EDIL3: variants seen among roughly 807,000 people sequenced by gnomAD.
EDIL3 encodes the protein EGF like and discoidin domains 3.
Under a neutral mutation model 67.4 loss-of-function variants are expected in EDIL3, and 37 were observed. That is an observed-to-expected ratio of 0.55 (90% CI 0.42 to 0.72). The LOEUF is 0.72. Among genes scored for constraint, EDIL3 ranks in the 30% least tolerant of loss-of-function variants. The probability of loss-of-function intolerance (pLI) is 0.00; values close to 1 mark genes in which losing one functional copy is unlikely to be tolerated. For synonymous variants in EDIL3, 195 were observed against 196.3 expected (o/e 0.99, Z 0.05); for missense variants, 527 against 586.3 (o/e 0.90, Z 1.04).
chr5:84,154,667 C>T (rs1401008736), intron 4 of EDIL3, among the ~76,000 whole-genome samples: 3 of 147,172 alleles, frequency 2.0e-5, no homozygotes, highest in Non-Finnish European at 4.5e-5. Context: ...CTTGAAGAGG[C>T]CTCCTGGAGC....
intron 1 of EDIL3, among the ~76,000 whole-genome samples, chr5:84,287,511 A>G (rs1391135561): frequency 1.3e-5 from 2 of 152,134 alleles, no homozygotes; most frequent in Non-Finnish European, 2.9e-5. Flanking sequence ...TGCTAATACA[A>G]TTTGGAATTC....
chr5:84,251,074 C>CA (rs1428761160), intron 2 of EDIL3, among the ~76,000 whole-genome samples: 1 of 151,954 alleles, frequency 6.6e-6, no homozygotes, highest in African/African-American at 2.4e-5. Context: ...AGAACAATAA[C>CA]AAAAAAGCCT....
intron 1 of EDIL3, among the ~76,000 whole-genome samples, chr5:84,286,523 CA>C (rs1403354169): frequency 6.6e-6 from 1 of 152,112 alleles, no homozygotes; most frequent in Non-Finnish European, 1.5e-5. Context: ...TGAATCAAGA[CA>C]ATATATTTAG....
intron 9 of EDIL3, among the ~76,000 whole-genome samples, chr5:84,020,710 T>C (rs1445382182): frequency 1.3e-5 from 2 of 152,128 alleles, no homozygotes; most frequent in Middle Eastern, 6.8e-3. Context: ...AAAAGAACAG[T>C]ATACATAATG....
chr5:84,211,747 C>T (rs1744123885), intron 3 of EDIL3, among the ~76,000 whole-genome samples: 1 of 152,140 alleles, frequency 6.6e-6, no homozygotes, highest in Non-Finnish European at 1.5e-5. Context: ...TGGATTATGC[C>T]TTGACTTCAG....
chr5:84,087,304 A>G (rs1293250772), intron 6 of EDIL3, among the ~76,000 whole-genome samples: 2 of 152,244 alleles, frequency 1.3e-5, no homozygotes, highest in Non-Finnish European at 2.9e-5. Context: ...GACTCTTTGT[A>G]TATAAAGAAG....
intron 4 of EDIL3, among the ~76,000 whole-genome samples, chr5:84,166,247 T>C (rs550957675): frequency 1.3e-5 from 2 of 152,354 alleles, no homozygotes. Flanking sequence ...CTCAACTTAT[T>C]TGGCCATGGG....
chr5:84,062,024 C>G (rs1746552754), intron 8 of EDIL3, among the ~76,000 whole-genome samples: 1 of 152,028 alleles, frequency 6.6e-6, no homozygotes, highest in Non-Finnish European at 1.5e-5. Flanking sequence ...TCACCTCCAC[C>G]ATCTAGGAAA....
intron 4 of EDIL3, among the ~76,000 whole-genome samples, chr5:84,158,964 T>A (rs564831377): frequency 4.3e-4 from 65 of 152,166 alleles, no homozygotes; most frequent in Non-Finnish European, 7.2e-4. Flanking sequence ...CACAAACTCA[T>A]TTATTATAAA....
At chr5:84,057,972 G>A (rs1483535897) in intron 9 of EDIL3, among the ~76,000 whole-genome samples, 1 of 152,092 alleles carries the variant, frequency 6.6e-6, no homozygotes, top group Non-Finnish European at 1.5e-5. Context: ...TACAGACGAT[G>A]TAGTAGTATA....
rs1744243996 is a variant in EDIL3 at position 83,942,579 on chromosome 5, A to G, written c.*840T>C. On this transcript the variant is annotated 3_prime_UTR_variant, in exon 11 of 11. Transcript: ENST00000296591. ...TTTTTGTTCTTTTGTGCAAACTGAG[A>G]GTATGGGATTCTTTATGAAGCAATT... 1 of 152,068 alleles carries G rather than the reference A, an allele frequency of 6.6e-6. No individual in the cohort carries two copies. Among genetic ancestry groups the G allele is most frequent in the Admixed American group, 6.6e-5 (1 of 15,234 alleles). 9.4% of individuals were successfully genotyped at this position (152,068 alleles called of 1,614,324 possible). A position where few individuals can be genotyped will look rare whatever the true frequency, so the allele number is the denominator to read the frequency against.
At chr5:84,189,312 T>A (rs943645814) in intron 3 of EDIL3, among the ~76,000 whole-genome samples, 4 of 151,708 alleles carry the variant, frequency 2.6e-5, no homozygotes, top group Admixed American at 1.3e-4. Flanking sequence ...GGAGGAAGAT[T>A]TCCTGGGGTT....
At chr5:84,327,632 A>G (rs1366616180) in intron 1 of EDIL3, among the ~76,000 whole-genome samples, 2 of 152,072 alleles carry the variant, frequency 1.3e-5, no homozygotes, top group East Asian at 3.9e-4. Context: ...GAACAATTAA[A>G]GTTGTGTATT....
intron 8 of EDIL3, among the ~76,000 whole-genome samples, chr5:84,064,290 A>T (rs991303053): frequency 1.3e-5 from 2 of 152,192 alleles, no homozygotes; most frequent in African/African-American, 2.4e-5. Context: ...ACAAAGATAA[A>T]GCTTACTTTT....
intron 1 of EDIL3, among the ~76,000 whole-genome samples, chr5:84,344,222 T>C (rs1205381490): frequency 6.6e-6 from 1 of 151,266 alleles, no homozygotes. Flanking sequence ...ATTATGTTTA[T>C]ATAATTTATT....
chr5:84,183,582 T>G (rs181133668), intron 3 of EDIL3, among the ~76,000 whole-genome samples: 1 of 152,288 alleles, frequency 6.6e-6, no homozygotes, highest in Admixed American at 6.5e-5. Flanking sequence ...TTCAGAAATG[T>G]TCCCTAGAAA....
intron 9 of EDIL3, among the ~76,000 whole-genome samples, chr5:84,055,704 A>C (rs1000252607): frequency 2.6e-5 from 4 of 152,208 alleles, no homozygotes; most frequent in Admixed American, 1.3e-4. Context: ...AAACACATGA[A>C]AAAATGGCTC....
In EDIL3 at chr5:84,120,792, A is replaced by G. The variant is rs537362647; in HGVS notation, c.470-13962T>C. 4.6e-5 allele frequency among the ~76,000 whole-genome samples: 7 copies of G among 152,080 alleles called. No individual in the cohort carries two copies. The South Asian group carries it at 1.4e-3, about 31-fold the overall frequency. On this transcript the variant is annotated intron_variant, in intron 5 of 10. Coordinates refer to ENST00000296591, the MANE Select transcript of EDIL3 (RefSeq NM_005711.5). ...ATACAGGTCTCTTTTTCATGAAGAC[A>G]TGGGCTGAGTATGATCTTTTTAAGG...
chr5:84,348,094 TA>T (rs1487623225), intron 1 of EDIL3, among the ~76,000 whole-genome samples: 3 of 152,144 alleles, frequency 2.0e-5, no homozygotes, highest in Admixed American at 2.0e-4. Flanking sequence ...ACACAGTCAG[TA>T]AACAGAGTGA....
Sources: allele counts gnomAD v4.1 joint callset (sites outside exome capture counted in the v4.1 genomes callset), GRCh38; gene constraint gnomAD v4.1.1; transcripts MANE v1.5; gene names NCBI Gene and HGNC (gene_info 2026-07-23, HGNC 2026-07-21).